MFN2: variants seen among roughly 807,000 people sequenced by gnomAD.
MFN2 encodes the protein mitofusin-2.
A neutral mutation model predicts 87.5 loss-of-function variants in MFN2; 43 were observed. That is an observed-to-expected ratio of 0.49 (90% CI 0.38 to 0.63). The LOEUF is 0.63. MFN2 is among the 30% of genes least tolerant of loss of function. The pLI is 0.00. For missense variants in MFN2, 743 were observed against 972.8 expected, an observed-to-expected ratio of 0.76 and a Z score of 3.14; for synonymous variants, 337 against 359.9, an observed-to-expected ratio of 0.94 and a Z score of 0.72.
At chr1:11,989,947 G>A (rs1290018294) in intron 3 of MFN2, among the ~76,000 whole-genome samples, 1 of 152,212 alleles carries the variant, frequency 6.6e-6, no homozygotes, top group Non-Finnish European at 1.5e-5. Context: ...CTCCAGCACT[G>A]GCTTCCTCAG....
chr1:12,006,629 T>C lies in MFN2; in HGVS notation c.1808T>C (p.Met603Thr). The C allele has an allele frequency of 6.2e-7, 1 of 1,614,060 alleles. No individual in the cohort carries two copies. Among genetic ancestry groups the C allele is most frequent in the Non-Finnish European group, 8.5e-7 (1 of 1,180,004 alleles). Reference sequence around the variant, plus strand: ...ACCCAGGAGGAGTTCATGGTTTCCATGGTTACCGGCCTGGCCTCCTTGACA... The same window carrying C: ...ACCCAGGAGGAGTTCATGGTTTCCACGGTTACCGGCCTGGCCTCCTTGACA... ...SLTQEEFMVS[M>T]VTGLASLTSR... is the part of the protein sequence containing the mutation. Residue 603 changes from methionine (M) to threonine (T), a missense_variant, in exon 16 of 19, where the codon ATG becomes ACG. Physicochemically the swap from Met to Thr is moderately conservative, Grantham distance 81. Around this residue, in one of 3 missense-constraint regions of MFN2, gnomAD observed 571 missense variants for 670.7 expected, o/e 0.85. Transcript: ENST00000235329.
rs1480958058 is a variant in MFN2, at chr1:12,013,334, C to T, written c.*1769C>T. 2 of 470,856 alleles carry T rather than the reference C, an allele frequency of 4.2e-6. No individual in the cohort carries two copies. The highest frequency in any genetic ancestry group is 4.7e-5 in the Admixed American group (2 of 42,482). The allele number at this position is 470,856 out of a possible 1,614,324, so 29.2% of individuals were successfully genotyped here. ...GAGACCCTTTCTGAAAGAAGTATGG[C>T]CAAAAGCACTTTAATGCTGCTGACA... On this transcript the variant is annotated 3_prime_UTR_variant, in exon 19 of 19. Transcript: ENST00000235329.
chr1:11,986,183 G>A (rs528641206), intron 2 of MFN2, among the ~76,000 whole-genome samples: 97 of 152,306 alleles, frequency 6.4e-4, no homozygotes, highest in African/African-American at 2.3e-3. Flanking sequence ...CTAAAAGTCC[G>A]TTTTGGCATT....
chr1:11,996,376 T>G (rs977380739), intron 5 of MFN2, 58 bp downstream of exon 5: 1 of 1,607,162 alleles, frequency 6.2e-7, no homozygotes, highest in South Asian at 1.1e-5. Flanking sequence ...AGTCCTCCGT[T>G]GTGACACGGC....
intron 2 of MFN2, among the ~76,000 whole-genome samples, chr1:11,984,980 G>C (rs1481500036): frequency 1.3e-5 from 2 of 152,206 alleles, no homozygotes; most frequent in Admixed American, 6.5e-5. Context: ...CTCAAAGAGG[G>C]GGTCATGGGA....
At chr1:11,981,669 T>TG (rs1275214488) in intron 1 of MFN2, 1 of 152,420 alleles carries the variant, frequency 6.6e-6, no homozygotes, top group Non-Finnish European at 1.5e-5. Context: ...TTCCTAGTTT[T>TG]GCTCTGTCCT....
chr1:11,997,147 A>C, intron 5 of MFN2, 150 bp from the exon 6 acceptor site: 6 of 1,188,308 alleles, frequency 5.0e-6, no homozygotes, highest in Non-Finnish European at 7.2e-6. Flanking sequence ...CTTATTGACA[A>C]CTCCCAGCTG....
chr1:11,983,365 C>T (rs1057172097), intron 2 of MFN2, among the ~76,000 whole-genome samples: 2 of 152,214 alleles, frequency 1.3e-5, no homozygotes, highest in African/African-American at 2.4e-5. Flanking sequence ...GCCACCGCGC[C>T]TGGCCTAGCA....
At position 12,011,722 on chromosome 1, in the gene MFN2, C is replaced by T; in HGVS notation, c.*157C>T. 1.4e-6 allele frequency: 1 copy of T among 731,790 alleles called. No individual in the cohort carries two copies. Among genetic ancestry groups the T allele is most frequent in the African/African-American group, 1.7e-5 (1 of 57,206 alleles). 45.3% of individuals were successfully genotyped at this position (731,790 alleles called of 1,614,324 possible). The stretch of plus-strand genomic sequence containing the variant: ...TACCATTTTGAGCCCTCCAGCACTA[C>T]TTATTTTCCCCCACCTTTGCCTGCT... On this transcript the variant is annotated 3_prime_UTR_variant, in exon 19 of 19. Transcript: ENST00000235329.
At chr1:11,985,456 T>C (rs959760893) in intron 2 of MFN2, among the ~76,000 whole-genome samples, 13 of 92,400 alleles carry the variant, frequency 1.4e-4, no homozygotes, top group African/African-American at 4.0e-4. Context: ...CCTTGATCCC[T>C]TTTTTTTTTT....
intron 3 of MFN2, 131 bp from the exon 4 acceptor site, chr1:11,992,422 CAG>C: frequency 8.8e-7 from 1 of 1,140,182 alleles, no homozygotes; most frequent in East Asian, 2.4e-5. Context: ...ATCTGGAGCT[CAG>C]CCTGTCGGCT....
In MFN2 at chr1:12,001,774, G is replaced by A. The variant is rs1324564667; in HGVS notation, c.976G>A (p.Ala326Thr). The change falls in exon 10 of 19, where the codon GCT (alanine) becomes ACT (threonine). Residue 326 changes from alanine to threonine, a missense_variant. Coordinates refer to ENST00000235329, the MANE Select transcript of MFN2 (RefSeq NM_014874.4). ...KAQGMPEGGG[A>T]LAEGFQVRMF... ...ATGCAGTACAATCCTCCTAGGGGGC[G>A]CTCTCGCAGAAGGCTTTCAAGTGAG... 31 of 1,614,026 alleles carry A rather than the reference G, an allele frequency of 1.9e-5. No homozygotes were observed. Among genetic ancestry groups the A allele is most frequent in the East Asian group, 4.5e-5 (2 of 44,896 alleles).
Position 12,004,295 on chromosome 1 carries a change from G to A in MFN2, c.1287+177G>A, listed in dbSNP as rs1370918095. Among the ~76,000 whole-genome samples the A allele has an allele frequency of 6.6e-6, 1 of 152,166 alleles. No individual in the cohort carries two copies. The highest frequency in any genetic ancestry group is 2.4e-5 in the African/African-American group (1 of 41,448). On this transcript the variant is annotated intron_variant, in intron 12 of 18. Coordinates refer to ENST00000235329, the MANE Select transcript of MFN2 (RefSeq NM_014874.4). The surrounding 1 kb of genome is among the most constrained non-coding windows in gnomAD (Gnocchi z 4.2). Reference sequence around the variant, plus strand: ...TGTCGGGTTGTGTGATGCTGGGCATGTTCCCTTTCCTCTGGACCTCCACAG... The same window carrying A: ...TGTCGGGTTGTGTGATGCTGGGCATATTCCCTTTCCTCTGGACCTCCACAG...
chr1:11,996,180 G>T lies in MFN2; in HGVS notation c.336G>T (p.Val112=), dbSNP rs1638898566. 2 of 1,614,226 alleles carry T rather than the reference G, an allele frequency of 1.2e-6. No homozygotes were observed. The highest frequency in any genetic ancestry group is 1.3e-5 in the African/African-American group (1 of 75,066). Residue 112 remains valine (V), a synonymous_variant, in exon 5 of 19, where the codon GTG becomes GTT. Coordinates refer to ENST00000235329, the MANE Select transcript of MFN2 (RefSeq NM_014874.4). ...FGRTSNGKST[V]INAMLWDKVL... ...GGACGAGCAATGGGAAGAGCACCGTGATCAATGCCATGCTCTGGGACAAAG... is the reference window on the plus strand; with the variant it reads ...GGACGAGCAATGGGAAGAGCACCGTTATCAATGCCATGCTCTGGGACAAAG...
chr1:12,001,698 G>A, intron 9 of MFN2, 71 bp from the exon 10 acceptor site: 1 of 1,605,662 alleles, frequency 6.2e-7, no homozygotes, highest in Non-Finnish European at 8.5e-7. Context: ...CAGTGGCTTG[G>A]TTTCTGGGGA....
At position 12,013,396 on chromosome 1, in the gene MFN2, G is replaced by A. The variant is rs762320663; in HGVS notation, c.*1831G>A. 21 of 471,110 alleles carry A rather than the reference G, an allele frequency of 4.5e-5. No homozygotes were observed. The highest frequency in any genetic ancestry group is 8.4e-5 in the Non-Finnish European group (19 of 227,068). 29.2% of individuals were successfully genotyped at this position (471,110 alleles called of 1,614,324 possible). A position where few individuals can be genotyped will look rare whatever the true frequency, so the allele number is the denominator to read the frequency against. On this transcript the variant is annotated 3_prime_UTR_variant, in exon 19 of 19. Coordinates refer to ENST00000235329, the MANE Select transcript of MFN2 (RefSeq NM_014874.4). Reference sequence around the variant, plus strand: ...ATGTTCATTTGCTGGAGCGCAAGACGTGCTGACACAGTGAGTTTTCTCTGA... The same window carrying A: ...ATGTTCATTTGCTGGAGCGCAAGACATGCTGACACAGTGAGTTTTCTCTGA...
chr1:11,997,518 C>T, intron 6 of MFN2, 97 bp downstream of exon 6: 1 of 1,541,432 alleles, frequency 6.5e-7, no homozygotes, highest in South Asian at 1.1e-5. Flanking sequence ...CCCATCCTTG[C>T]TCTGCTTAAG....
intron 18 of MFN2, among the ~76,000 whole-genome samples, chr1:12,010,789 T>C (rs1639657887): frequency 6.6e-6 from 1 of 152,160 alleles, no homozygotes; most frequent in South Asian, 2.1e-4. Flanking sequence ...AAAAGTGCCC[T>C]GCAAAAGTCC....
At position 11,985,482 on chromosome 1, in the gene MFN2, T is replaced by TTTTTA. The variant is rs1180231528; in HGVS notation, c.-5+3368_-5+3369insTTTTA. 3.3e-5 allele frequency among the ~76,000 whole-genome samples: 4 copies of TTTTTA among 120,954 alleles called. 1 individual carries two copies. The highest frequency in any genetic ancestry group is 2.9e-4 in the South Asian group (1 of 3,440). The allele number at this position is 120,954 out of a possible 152,430, so 79.4% of individuals were successfully genotyped here. ...TTTTTTTTTTTTTTTTTTTTTTTTT[T>TTTTTA]AAAGAGAGAGACTTCGCTCTGTCAC... On this transcript the variant is annotated intron_variant, in intron 2 of 18. Transcript: ENST00000235329.
Sources: allele counts gnomAD v4.1 joint callset (sites outside exome capture counted in the v4.1 genomes callset), GRCh38; gene constraint gnomAD v4.1.1; regional missense constraint gnomAD v4.1.1; non-coding constraint Gnocchi (gnomAD v3.1); transcripts MANE v1.5; gene names NCBI Gene and HGNC (gene_info 2026-07-23, HGNC 2026-07-21).